The following CSMD1 variants were observed in gnomAD, a reference collection of about 807,000 sequenced individuals.
The protein encoded by CSMD1 is CUB and sushi domain-containing protein 1.
CSMD1 carries 213 observed loss-of-function variants against 417.5 expected under a neutral mutation model. That is an observed-to-expected ratio of 0.51 (90% CI 0.46 to 0.57). The LOEUF is 0.57. CSMD1 is among the 20% of genes least tolerant of loss of function. The probability of loss-of-function intolerance (pLI) is 0.00; values close to 1 mark genes in which losing one functional copy is unlikely to be tolerated. For synonymous variants in CSMD1, 2,862 were observed against 1,736.8 expected (o/e 1.65, Z -16.11); for missense variants, 6,923 against 4,529.7 (o/e 1.53, Z -15.17).
At chr8:3,862,322 A>C (rs150276821) in intron 5 of CSMD1, among the ~76,000 whole-genome samples, 1 of 152,328 alleles carries the variant, frequency 6.6e-6, no homozygotes, top group Non-Finnish European at 1.5e-5. Context: ...TCATCTGCCC[A>C]AGGGCGTCCA....
intron 7 of CSMD1, among the ~76,000 whole-genome samples, chr8:3,643,660 C>T (rs1345554091): frequency 1.4e-5 from 2 of 145,046 alleles, no homozygotes; most frequent in Non-Finnish European, 3.0e-5. Context: ...GAGATCGCGC[C>T]ACTGCACCCC....
intron 3 of CSMD1, among the ~76,000 whole-genome samples, chr8:4,387,862 T>A (rs1161416895): frequency 6.6e-6 from 1 of 152,128 alleles, no homozygotes; most frequent in Non-Finnish European, 1.5e-5. Context: ...CAACAAATAT[T>A]CTTTAATGTC....
At chr8:3,453,583 G>C (rs10101388) in intron 12 of CSMD1, among the ~76,000 whole-genome samples, 118,771 of 152,146 alleles carry the variant, frequency 0.78, 46,739 homozygotes, top group African/African-American at 0.88. Flanking sequence ...AGTAGTCATT[G>C]AGGAGCAGGT....
At chr8:3,083,548 C>A (rs1263371482) in intron 49 of CSMD1, among the ~76,000 whole-genome samples, 1 of 135,000 alleles carries the variant, frequency 7.4e-6, no homozygotes, top group Non-Finnish European at 1.5e-5. Flanking sequence ...TATACACAGC[C>A]AAATGTGCAA....
At chr8:3,404,611 CTTAT>C (rs1812236893) in intron 15 of CSMD1, among the ~76,000 whole-genome samples, 1 of 152,036 alleles carries the variant, frequency 6.6e-6, no homozygotes, top group Non-Finnish European at 1.5e-5. Context: ...GTTCTATTCA[CTTAT>C]TAAAAATAAA....
chr8:4,695,808 AC>A (rs1688757750), intron 1 of CSMD1, among the ~76,000 whole-genome samples: 1 of 152,174 alleles, frequency 6.6e-6, no homozygotes, highest in Non-Finnish European at 1.5e-5. Flanking sequence ...GAATATTTTT[AC>A]CTGGGCAATT....
At chr8:3,230,392 T>C (rs1359159150) in intron 26 of CSMD1, among the ~76,000 whole-genome samples, 161 bp from the exon 27 acceptor site, 1 of 152,212 alleles carries the variant, frequency 6.6e-6, no homozygotes, top group Non-Finnish European at 1.5e-5. Context: ...CAGGGGTACA[T>C]TCAATAACAT....
intron 3 of CSMD1, among the ~76,000 whole-genome samples, chr8:4,213,820 G>A (rs565077593): frequency 7.2e-5 from 11 of 152,164 alleles, no homozygotes; most frequent in Admixed American, 2.6e-4. Context: ...AGAAAGATAA[G>A]AAAAGAGACA....
In CSMD1 at chr8:3,852,400, C is replaced by G. The variant is rs1358506483; in HGVS notation, c.819-98358G>C. 3.3e-5 allele frequency among the ~76,000 whole-genome samples: 5 copies of G among 152,140 alleles called. No homozygotes were observed. In the South Asian group the frequency reaches 6.2e-4, roughly 19 times the overall value. Reference sequence around the variant, plus strand: ...TCCCAGCCAAGTGGATGAGCATGTACAGTGAACCACACTCCCCTGTGCTGC... The same window carrying G: ...TCCCAGCCAAGTGGATGAGCATGTAGAGTGAACCACACTCCCCTGTGCTGC... On this transcript the variant is annotated intron_variant, in intron 5 of 69. Coordinates refer to ENST00000635120, the MANE Select transcript of CSMD1 (RefSeq NM_033225.6).
intron 3 of CSMD1, among the ~76,000 whole-genome samples, chr8:4,046,190 G>T (rs763823001): frequency 6.6e-6 from 1 of 151,976 alleles, no homozygotes; most frequent in African/African-American, 2.4e-5. Flanking sequence ...GTATGTGTGC[G>T]TGTGTGTGTA....
Position 4,375,213 on chromosome 8 carries a change from G to A in CSMD1, c.415+44740C>T, listed in dbSNP as rs1490187411. Among the ~76,000 whole-genome samples the A allele has an allele frequency of 6.6e-5, 10 of 152,194 alleles. No individual in the cohort carries two copies. In the East Asian group the frequency reaches 1.9e-3, roughly 30 times the overall value. On this transcript the variant is annotated intron_variant, in intron 3 of 69. Transcript: ENST00000635120. The stretch of plus-strand genomic sequence containing the variant: ...GTGTTTTCAAGTCTTTGCCCACGGG[G>A]ATAGATAGTTTGGATGGTCTTAGAA...
At chr8:4,630,453 AAAAAC>A (rs1192904389) in intron 2 of CSMD1, among the ~76,000 whole-genome samples, 3 of 151,478 alleles carry the variant, frequency 2.0e-5, no homozygotes, top group Non-Finnish European at 2.9e-5. Context: ...GCAAATACTC[AAAAAC>A]AAAACAAAAC....
chr8:4,359,933 G>C (rs887462178), intron 3 of CSMD1, among the ~76,000 whole-genome samples: 5 of 152,164 alleles, frequency 3.3e-5, no homozygotes, highest in African/African-American at 1.2e-4. Context: ...TTCAGTGAAA[G>C]AATGCTTCCC....
chr8:3,169,139 C>T (rs1820425613), intron 37 of CSMD1, among the ~76,000 whole-genome samples: 1 of 152,116 alleles, frequency 6.6e-6, no homozygotes, highest in Non-Finnish European at 1.5e-5. Context: ...GGTCATAAGC[C>T]AGGAAATGAC....
At chr8:4,316,037 T>C (rs1271130661) in intron 3 of CSMD1, among the ~76,000 whole-genome samples, 1 of 152,164 alleles carries the variant, frequency 6.6e-6, no homozygotes, top group Non-Finnish European at 1.5e-5. Context: ...AATTTGAAAA[T>C]ATCCCACTGA....
At chr8:4,259,674 G>C (rs1479481452) in intron 3 of CSMD1, among the ~76,000 whole-genome samples, 1 of 151,698 alleles carries the variant, frequency 6.6e-6, no homozygotes, top group African/African-American at 2.4e-5. Context: ...GGCAGTACTG[G>C]GTCCTGAAAT....
rs565988229 is a variant in CSMD1 at position 4,466,906 on chromosome 8, C to A, written c.303-46841G>T. 5.9e-5 allele frequency among the ~76,000 whole-genome samples: 9 copies of A among 151,884 alleles called. No homozygotes were observed. In the East Asian group the frequency reaches 1.7e-3, roughly 30 times the overall value. Reference sequence around the variant, plus strand: ...TATTTTTAATTATATTGAAATTTTACAGTGTGTTTTTACAGCATTGAAATT... The same window carrying A: ...TATTTTTAATTATATTGAAATTTTAAAGTGTGTTTTTACAGCATTGAAATT... On this transcript the variant is annotated intron_variant, in intron 2 of 69. Coordinates refer to ENST00000635120, the MANE Select transcript of CSMD1 (RefSeq NM_033225.6).
intron 5 of CSMD1, among the ~76,000 whole-genome samples, chr8:3,923,206 G>C (rs868130983): frequency 6.6e-6 from 1 of 152,214 alleles, no homozygotes; most frequent in East Asian, 1.9e-4. Flanking sequence ...GCTGACTCTG[G>C]AGCTCAGGCT....
At chr8:4,104,206 T>C (rs1801448209) in intron 3 of CSMD1, among the ~76,000 whole-genome samples, 2 of 152,244 alleles carry the variant, frequency 1.3e-5, no homozygotes. Flanking sequence ...TCATAGTGTG[T>C]GTGAATGTAC....
Sources: gnomAD v4.1 joint callset for allele counts (sites outside exome capture counted in the v4.1 genomes callset) on GRCh38, gnomAD v4.1.1 for gene constraint, MANE v1.5 for transcripts, NCBI Gene and HGNC (gene_info 2026-07-23, HGNC 2026-07-21) for gene names.